Variants in LOXL2 observed in about 807,000 individuals in gnomAD.
LOXL2 encodes the protein lysyl oxidase like 2, also known as lysyl oxidase homolog 2.
In LOXL2, 70 loss-of-function variants were observed where a neutral mutation model predicts 93.0. That is an observed-to-expected ratio of 0.75 (90% CI 0.62 to 0.92). The LOEUF (loss-of-function observed/expected upper bound fraction) is 0.92. Ranked by LOEUF, LOXL2 falls within the 40% of genes least tolerant of loss-of-function variation. The pLI is 0.00. For missense variants in LOXL2, 973 were observed against 1,054.9 expected (o/e 0.92, Z 1.08); for synonymous variants, 438 against 413.2 (o/e 1.06, Z -0.73).
rs563436839 is a variant in LOXL2 at position 23,383,700 on chromosome 8, G to A, written c.-83-15266C>T. Among the ~76,000 whole-genome samples, 310 of 127,870 alleles carry A rather than the reference G, an allele frequency of 2.4e-3. 2 individuals are homozygous for A. The highest frequency in any genetic ancestry group is 3.7e-3 in the Non-Finnish European group (238 of 64,122). 83.9% of individuals were successfully genotyped at this position (127,870 alleles called of 152,430 possible). A position where few individuals can be genotyped will look rare whatever the true frequency, so the allele number is the denominator to read the frequency against. Reference sequence around the variant, plus strand: ...TTTTGAGACAGAGTCTTGCTCTGTCGTCCAGGCTGGAGTGCAGTGGCGCAA... The same window carrying A: ...TTTTGAGACAGAGTCTTGCTCTGTCATCCAGGCTGGAGTGCAGTGGCGCAA... On this transcript the variant is annotated intron_variant, in intron 1 of 13. Coordinates refer to ENST00000389131, the MANE Select transcript of LOXL2 (RefSeq NM_002318.3).
chr8:23,358,876 C>CT (rs1473741788), intron 3 of LOXL2, among the ~76,000 whole-genome samples: 5 of 146,094 alleles, frequency 3.4e-5, no homozygotes, highest in African/African-American at 1.3e-4. Context: ...CAGTCTCGCT[C>CT]TGTCACCCAG....
At chr8:23,379,121 T>C (rs1169316338) in intron 1 of LOXL2, among the ~76,000 whole-genome samples, 1 of 152,204 alleles carries the variant, frequency 6.6e-6, no homozygotes, top group Non-Finnish European at 1.5e-5. Context: ...TGTGGTGTGG[T>C]TGACTTTTAT....
intron 10 of LOXL2, among the ~76,000 whole-genome samples, chr8:23,308,095 G>A (rs1803258427): frequency 6.6e-6 from 1 of 152,142 alleles, no homozygotes; most frequent in South Asian, 2.1e-4. Flanking sequence ...TCTTGGGCAA[G>A]AGACAACTCC....
chr8:23,346,120 A>G, intron 3 of LOXL2, among the ~76,000 whole-genome samples: 1 of 86,078 alleles, frequency 1.2e-5, no homozygotes, highest in African/African-American at 6.1e-5. Context: ...ATAAAATTAA[A>G]ATAAAATAAA....
chr8:23,359,701 G>A (rs182048882), intron 3 of LOXL2, among the ~76,000 whole-genome samples: 5 of 152,302 alleles, frequency 3.3e-5, no homozygotes, highest in Middle Eastern at 3.4e-3. Flanking sequence ...AATTTGTTAC[G>A]CAGCAATTGA....
intron 1 of LOXL2, among the ~76,000 whole-genome samples, chr8:23,389,124 T>C (rs1230544828): frequency 6.6e-6 from 1 of 152,170 alleles, no homozygotes; most frequent in Non-Finnish European, 1.5e-5. Flanking sequence ...AAATCCTTCA[T>C]GAAGCCTCAC....
chr8:23,390,299 G>T (rs1221096871), intron 1 of LOXL2, among the ~76,000 whole-genome samples: 1 of 152,216 alleles, frequency 6.6e-6, no homozygotes, highest in Non-Finnish European at 1.5e-5. Context: ...GAGAATGAGG[G>T]AAGTGGCTCG....
intron 12 of LOXL2, among the ~76,000 whole-genome samples, chr8:23,300,329 GTA>G (rs1202053719): frequency 6.6e-6 from 1 of 152,242 alleles, no homozygotes; most frequent in Non-Finnish European, 1.5e-5. Context: ...TTAGGTTTCT[GTA>G]TGTCTGTGAA....
chr8:23,394,725 T>C (rs550289241), intron 1 of LOXL2, among the ~76,000 whole-genome samples: 3 of 152,208 alleles, frequency 2.0e-5, no homozygotes, highest in Non-Finnish European at 2.9e-5. Flanking sequence ...AGAATTACTA[T>C]ATGACCCAGC....
intron 3 of LOXL2, among the ~76,000 whole-genome samples, chr8:23,348,554 C>T (rs1338336070): frequency 4.6e-5 from 7 of 152,092 alleles, no homozygotes; most frequent in South Asian, 2.1e-4. Flanking sequence ...GGTGACAGAG[C>T]GAGATCTTCT....
intron 12 of LOXL2, among the ~76,000 whole-genome samples, chr8:23,299,271 G>T (rs1363373767): frequency 3.3e-5 from 5 of 152,212 alleles, no homozygotes; most frequent in African/African-American, 4.8e-5. Flanking sequence ...GGTCTGGGGA[G>T]GCCCCAAAAA....
rs1803167504 is a variant in LOXL2 at position 23,303,131 on chromosome 8, C to G, written c.1996+151G>C. ...TCATGCCCATGCCCCCAGCGCCTCA[C>G]TATAGCTGAGGAAGGTCCAGGTGGG... On this transcript the variant is annotated intron_variant, in intron 11 of 13. Transcript: ENST00000389131. The G allele has an allele frequency of 6.1e-6, 4 of 654,442 alleles. No homozygotes were observed. The Admixed American group carries it at 8.4e-5, about 14-fold the overall frequency. The allele number at this position is 654,442 out of a possible 1,614,324, so 40.5% of individuals were successfully genotyped here.
At chr8:23,334,387 C>A (rs540983700) in intron 4 of LOXL2, among the ~76,000 whole-genome samples, 10 of 152,322 alleles carry the variant, frequency 6.6e-5, no homozygotes, top group African/African-American at 2.4e-4. Context: ...GCAGTACAAG[C>A]TGATTGCTAA....
At chr8:23,332,645 T>C (rs1585354267) in intron 5 of LOXL2, among the ~76,000 whole-genome samples, 9 of 51,464 alleles carry the variant, frequency 1.7e-4, no homozygotes, top group African/African-American at 2.6e-4. Context: ...ACACCCACAC[T>C]CACACGCTCA....
At chr8:23,319,573 C>T (rs997687572) in intron 8 of LOXL2, among the ~76,000 whole-genome samples, 2 of 152,234 alleles carry the variant, frequency 1.3e-5, no homozygotes, top group Non-Finnish European at 2.9e-5. Context: ...ATCAGGAACC[C>T]CCAGGATCAG....
intron 1 of LOXL2, among the ~76,000 whole-genome samples, chr8:23,381,978 C>A (rs1397818769): frequency 6.6e-6 from 1 of 152,294 alleles, no homozygotes; most frequent in South Asian, 2.1e-4. Context: ...CGGAGTAGAC[C>A]CCTCATTCTG....
At chr8:23,392,514 C>A (rs1804860479) in intron 1 of LOXL2, among the ~76,000 whole-genome samples, 1 of 152,178 alleles carries the variant, frequency 6.6e-6, no homozygotes. Context: ...TTCATTGGTG[C>A]TGATCACATG....
rs1563188784 is a variant in LOXL2 at position 23,318,462 on chromosome 8, A to ACACACAC, written c.1471-1349_1471-1348insGTGTGTG. Among the ~76,000 whole-genome samples the ACACACAC allele has an allele frequency of 1.8e-3, 194 of 108,336 alleles. 1 individual carries two copies. The highest frequency in any genetic ancestry group is 3.2e-3 in the African/African-American group (65 of 20,582). The allele number at this position is 108,336 out of a possible 152,430, so 71.1% of individuals were successfully genotyped here. A position where few individuals can be genotyped will look rare whatever the true frequency, so the allele number is the denominator to read the frequency against. On this transcript the variant is annotated intron_variant, in intron 8 of 13. Transcript: ENST00000389131. ...ACACACACACACACACACACACACA[A>ACACACAC]AAATACACATTCATACAACCTACTG...
chr8:23,343,609 A>C (rs767070753), intron 3 of LOXL2, among the ~76,000 whole-genome samples: 3 of 152,232 alleles, frequency 2.0e-5, no homozygotes, highest in Non-Finnish European at 2.9e-5. Context: ...TTCAGGGTCC[A>C]CAGCCAGGCC....
Sources: allele counts gnomAD v4.1 joint callset (sites outside exome capture counted in the v4.1 genomes callset), GRCh38; gene constraint gnomAD v4.1.1; transcripts MANE v1.5; gene names NCBI Gene and HGNC (gene_info 2026-07-23, HGNC 2026-07-21).